Variants in PKHD1L1 observed in about 807,000 individuals in gnomAD.
PKHD1L1 encodes fibrocystin-L.
A neutral mutation model predicts 462.9 loss-of-function variants in PKHD1L1; 434 were observed. The ratio of observed to expected loss-of-function variants is 0.94; its 90% CI spans 0.87 to 1.02. PKHD1L1 has a LOEUF of 1.02. PKHD1L1 is among the 50% of genes least tolerant of loss of function. PKHD1L1 has a pLI of 0.00. For missense variants in PKHD1L1, 5,202 were observed against 5,096.1 expected, an observed-to-expected ratio of 1.02 and a Z score of -0.63; for synonymous variants, 1,781 against 1,750.0, an observed-to-expected ratio of 1.02 and a Z score of -0.44.
Position 109,408,168 on chromosome 8 carries a change from GCTTCTAAGCCA to G in PKHD1L1, c.1936_1946del (p.Ser646HisfsTer8). 6.2e-7 allele frequency: 1 copy of G among 1,612,748 alleles called. No homozygotes were observed. The highest frequency in any genetic ancestry group is 8.5e-7 in the Non-Finnish European group (1 of 1,179,122). ...ATTCACACTGAATTGGGATGGGATC[GCTTCTAAGCCA>G]CTCACTCTATGGTCATCAGAAGCTG... On this transcript the variant is annotated frameshift_variant, in exon 18 of 78. Transcript: ENST00000378402. LOFTEE classifies it high-confidence loss of function.
chr8:109,519,928 G>T (rs55786960), intron 73 of PKHD1L1, among the ~76,000 whole-genome samples: 2,248 of 152,068 alleles, frequency 0.015, 28 homozygotes, highest in Middle Eastern at 0.051. Flanking sequence ...TGGGTACTGG[G>T]TGAAGTTCTC....
chr8:109,364,933 A>C (rs1811157772), intron 2 of PKHD1L1, among the ~76,000 whole-genome samples: 1 of 152,252 alleles, frequency 6.6e-6, no homozygotes, highest in Non-Finnish European at 1.5e-5. Context: ...TTTATTCTTC[A>C]TGAGTCTAAT....
chr8:109,419,735 T>A (rs1238355241), intron 22 of PKHD1L1, among the ~76,000 whole-genome samples: 1 of 152,194 alleles, frequency 6.6e-6, no homozygotes, highest in Non-Finnish European at 1.5e-5. Flanking sequence ...CTAGTCATGT[T>A]AATAGACATG....
chr8:109,414,968 A>G (rs1376137843), intron 21 of PKHD1L1, among the ~76,000 whole-genome samples: 10 of 21,058 alleles, frequency 4.7e-4, no homozygotes, highest in South Asian at 1.4e-3. Context: ...CAACATTATT[A>G]TTATTATTAT....
intron 37 of PKHD1L1, 27 bp downstream of exon 37, chr8:109,443,929 CTTCTA>C (rs1282318680): frequency 2.0e-6 from 3 of 1,518,790 alleles, no homozygotes; most frequent in Non-Finnish European, 2.7e-6. Flanking sequence ...CTCCTTTGTA[CTTCTA>C]TTATATGTTC....
chr8:109,497,357 C>G, intron 65 of PKHD1L1, 85 bp downstream of exon 65: 2 of 1,406,972 alleles, frequency 1.4e-6, no homozygotes, highest in Non-Finnish European at 1.9e-6. Flanking sequence ...AGAATAATCT[C>G]CTTAACTTCT....
intron 22 of PKHD1L1, among the ~76,000 whole-genome samples, chr8:109,419,639 G>A (rs778279556): frequency 1.3e-5 from 2 of 152,128 alleles, no homozygotes; most frequent in Admixed American, 6.5e-5. Flanking sequence ...TACTAAGATC[G>A]ACTTGAAACT....
In PKHD1L1 at chr8:109,464,648, G is replaced by A. The variant is rs759421689; in HGVS notation, c.7816G>A (p.Val2606Ile). 3 of 1,612,812 alleles carry A rather than the reference G, an allele frequency of 1.9e-6. No homozygotes were observed. Among genetic ancestry groups the A allele is most frequent in the Non-Finnish European group, 2.5e-6 (3 of 1,179,796 alleles). Reference protein sequence around the residue: ...SYDRNICQKRVPLGEFFNNTV... With the variant: ...SYDRNICQKRIPLGEFFNNTV... Reference sequence around the variant, plus strand: ...TGACAGAAACATTTGTCAAAAAAGAGTTCCCCTTGGCGAATTTTTTAACAA... The same window carrying A: ...TGACAGAAACATTTGTCAAAAAAGAATTCCCCTTGGCGAATTTTTTAACAA... Residue 2606 changes from valine to isoleucine, a missense_variant, in exon 49 of 78, where the codon GTT becomes ATT. By Grantham distance (29) the Val-to-Ile change is conservative. This residue lies in a region of PKHD1L1 where 4,497 missense variants were observed against 4,336.8 expected (regional missense o/e 1.04). Coordinates refer to ENST00000378402, the MANE Select transcript of PKHD1L1 (RefSeq NM_177531.6).
chr8:109,525,978 C>T (rs1820795527), intron 76 of PKHD1L1, among the ~76,000 whole-genome samples: 1 of 152,152 alleles, frequency 6.6e-6, no homozygotes, highest in Non-Finnish European at 1.5e-5. Context: ...TGAGTAAAAA[C>T]TTACAGGGCT....
intron 1 of PKHD1L1, among the ~76,000 whole-genome samples, chr8:109,364,264 G>A (rs572234015): frequency 2.6e-5 from 4 of 152,208 alleles, no homozygotes; most frequent in Non-Finnish European, 4.4e-5. Context: ...TTTAATACGT[G>A]TTTTATAATA....
intron 57 of PKHD1L1, 30 bp from the exon 58 acceptor site, chr8:109,485,014 T>G (rs761300374): frequency 6.5e-7 from 1 of 1,539,786 alleles, no homozygotes. Flanking sequence ...TTAAAATTGT[T>G]CTTAAATTTG....
chr8:109,420,002 A>G (rs1814381955), intron 22 of PKHD1L1, among the ~76,000 whole-genome samples: 2 of 152,118 alleles, frequency 1.3e-5, no homozygotes, highest in African/African-American at 4.8e-5. Context: ...TAGAACATGT[A>G]TAAGACAGAT....
chr8:109,407,238 T>C (rs970823813), intron 17 of PKHD1L1, among the ~76,000 whole-genome samples: 1 of 152,194 alleles, frequency 6.6e-6, no homozygotes, highest in Non-Finnish European at 1.5e-5. Flanking sequence ...TATGTAATTG[T>C]TTATTTGATT....
At position 109,508,959 on chromosome 8, in the gene PKHD1L1, C is replaced by A. The variant is rs116460259; in HGVS notation, c.11395+695C>A. Among the ~76,000 whole-genome samples, 1,296 of 152,144 alleles carry A rather than the reference C, an allele frequency of 8.5e-3. 14 individuals are homozygous for A. Among genetic ancestry groups the A allele is most frequent in the African/African-American group, 0.029 (1,218 of 41,532 alleles). On this transcript the variant is annotated intron_variant, in intron 70 of 77. Coordinates refer to ENST00000378402, the MANE Select transcript of PKHD1L1 (RefSeq NM_177531.6). The stretch of plus-strand genomic sequence containing the variant: ...ACAGGACAGGGATTCATCGTATATC[C>A]TTGAAATGACACCAGGGGCTCAAAA...
intron 68 of PKHD1L1, among the ~76,000 whole-genome samples, chr8:109,506,356 C>A (rs1026723919): frequency 2.0e-5 from 3 of 152,168 alleles, no homozygotes; most frequent in African/African-American, 7.2e-5. Flanking sequence ...TGTAAAATGA[C>A]TGACTGATTC....
At position 109,396,013 on chromosome 8, in the gene PKHD1L1, T is replaced by C. The variant is rs2130510686; in HGVS notation, c.812-14T>C. Reference sequence around the variant, plus strand: ...AATATTTATGATATTTTATTTAATGTGGTTTTCCCCCAGAGGTCACCATGA... The same window carrying C: ...AATATTTATGATATTTTATTTAATGCGGTTTTCCCCCAGAGGTCACCATGA... On this transcript the variant is annotated splice_polypyrimidine_tract_variant and intron_variant, in intron 10 of 77. Coordinates refer to ENST00000378402, the MANE Select transcript of PKHD1L1 (RefSeq NM_177531.6). 6.5e-7 allele frequency: 1 copy of C among 1,534,288 alleles called. No homozygotes were observed. Among genetic ancestry groups the C allele is most frequent in the Non-Finnish European group, 8.9e-7 (1 of 1,122,970 alleles).
chr8:109,464,526 C>T lies in PKHD1L1; in HGVS notation c.7694C>T (p.Thr2565Ile). The T allele has an allele frequency of 6.2e-7, 1 of 1,613,710 alleles. No homozygotes were observed. The highest frequency in any genetic ancestry group is 8.5e-7 in the Non-Finnish European group (1 of 1,179,786). The change falls in exon 49 of 78, where the codon ACC (threonine) becomes ATC (isoleucine). Residue 2565 changes from threonine (T) to isoleucine (I), a missense_variant. Transcript: ENST00000378402. ...DDVTPAAFWVTNPNNTIRHNA... is the reference protein window; with the variant it reads ...DDVTPAAFWVINPNNTIRHNA... The stretch of plus-strand genomic sequence containing the variant: ...GTGACCCCGGCTGCATTTTGGGTCA[C>T]CAACCCGAACAATACCATACGACAC...
chr8:109,473,965 G>A (rs150792644), intron 50 of PKHD1L1, among the ~76,000 whole-genome samples: 20 of 152,218 alleles, frequency 1.3e-4, no homozygotes, highest in African/African-American at 4.8e-4. Context: ...ATGTCCCATT[G>A]GCCAAGATCA....
chr8:109,459,068 A>G (rs1816971054), intron 46 of PKHD1L1, among the ~76,000 whole-genome samples: 1 of 152,114 alleles, frequency 6.6e-6, no homozygotes, highest in Non-Finnish European at 1.5e-5. Context: ...AGGAACCTTC[A>G]GTGACTCTCC....
Sources: gnomAD v4.1 joint callset for allele counts (sites outside exome capture counted in the v4.1 genomes callset) on GRCh38, gnomAD v4.1.1 for gene constraint, gnomAD v4.1.1 regional missense constraint, MANE v1.5 for transcripts, NCBI Gene and HGNC (gene_info 2026-07-23, HGNC 2026-07-21) for gene names.